DNAJC17: variants seen among roughly 807,000 people sequenced by gnomAD.
The protein encoded by DNAJC17 is DnaJ heat shock protein family (Hsp40) member C17, also known as dnaJ homolog subfamily C member 17.
A neutral mutation model predicts 48.1 loss-of-function variants in DNAJC17; 35 were observed. The ratio of observed to expected loss-of-function variants is 0.73; its 90% CI spans 0.56 to 0.96. The LOEUF is 0.96. Among genes scored for constraint, DNAJC17 ranks in the 50% least tolerant of loss-of-function variants. The pLI is 0.00. For synonymous variants in DNAJC17, 117 were observed against 142.7 expected (o/e 0.82, Z 1.28); for missense variants, 355 against 377.1 (o/e 0.94, Z 0.48).
chr15:40,797,666 C>A (rs1889971520), intron 1 of DNAJC17, among the ~76,000 whole-genome samples: 1 of 151,216 alleles, frequency 6.6e-6, no homozygotes, highest in Non-Finnish European at 1.5e-5. Context: ...CCTGCCTCAG[C>A]CTCCCAAAGT....
intron 1 of DNAJC17, among the ~76,000 whole-genome samples, chr15:40,795,228 G>A (rs574181091): frequency 9.4e-5 from 14 of 149,078 alleles, no homozygotes; most frequent in African/African-American, 2.7e-4. Flanking sequence ...CAGCCTGGGC[G>A]GGAGAGGGAG....
chr15:40,790,980 G>A (rs909413173), intron 1 of DNAJC17, among the ~76,000 whole-genome samples: 15 of 152,064 alleles, frequency 9.9e-5, no homozygotes, highest in African/African-American at 3.1e-4. Context: ...AGCTGGTCAG[G>A]CCCTTGGTGA....
intron 1 of DNAJC17, among the ~76,000 whole-genome samples, chr15:40,800,485 C>CTT (rs780909826): frequency 7.0e-6 from 1 of 141,946 alleles, no homozygotes; most frequent in Admixed American, 7.1e-5. Flanking sequence ...TTGTCTTTTT[C>CTT]TTTTTTTTTT....
intron 1 of DNAJC17, among the ~76,000 whole-genome samples, chr15:40,799,841 T>C (rs1211787609): frequency 6.6e-6 from 1 of 152,158 alleles, no homozygotes; most frequent in East Asian, 1.9e-4. Context: ...TTTATTTCTC[T>C]CTCTCTCTTT....
At position 40,766,921 on chromosome 15, in the gene DNAJC17, G is replaced by C; in HGVS notation, c.*1019C>G. On this transcript the variant is annotated 3_prime_UTR_variant, in exon 11 of 11. Coordinates refer to ENST00000220496, the MANE Select transcript of DNAJC17 (RefSeq NM_018163.3). ...CCAGGGAGGGCGGCAGCAGGGCTGTGGTCAGACTAACATGGTCTACCATCT... is the reference window on the plus strand; with the variant it reads ...CCAGGGAGGGCGGCAGCAGGGCTGTCGTCAGACTAACATGGTCTACCATCT... 4.7e-6 allele frequency: 1 copy of C among 212,284 alleles called. No homozygotes were observed. Among genetic ancestry groups the C allele is most frequent in the Non-Finnish European group, 9.3e-6 (1 of 107,304 alleles). 13.2% of individuals were successfully genotyped at this position (212,284 alleles called of 1,614,324 possible).
At position 40,767,559 on chromosome 15, in the gene DNAJC17, A is replaced by C. The variant is rs1888978768; in HGVS notation, c.*381T>G. ...CAGTGCCCGGTGCCCTGGTGCTCCCAGCTGCCCTCCTGCTTCGGGCCTGGG... is the reference window on the plus strand; with the variant it reads ...CAGTGCCCGGTGCCCTGGTGCTCCCCGCTGCCCTCCTGCTTCGGGCCTGGG... On this transcript the variant is annotated 3_prime_UTR_variant, in exon 11 of 11. Coordinates refer to ENST00000220496, the MANE Select transcript of DNAJC17 (RefSeq NM_018163.3). The C allele has an allele frequency of 3.2e-6, 2 of 623,050 alleles. No individual in the cohort carries two copies. The highest frequency in any genetic ancestry group is 5.2e-6 in the Non-Finnish European group (2 of 382,156). 38.6% of individuals were successfully genotyped at this position (623,050 alleles called of 1,614,324 possible).
At position 40,807,224 on chromosome 15, in the gene DNAJC17, G is replaced by A. The variant is rs894227342; in HGVS notation, c.78+145C>T. Reference sequence around the variant, plus strand: ...CCGTCCAGGAAATGTCTGGGAGCCCGCCTGCGGAGGGCATAGCGCCGACCC... The same window carrying A: ...CCGTCCAGGAAATGTCTGGGAGCCCACCTGCGGAGGGCATAGCGCCGACCC... On this transcript the variant is annotated intron_variant, in intron 1 of 10. Coordinates refer to ENST00000220496, the MANE Select transcript of DNAJC17 (RefSeq NM_018163.3). 7 of 1,536,278 alleles carry A rather than the reference G, an allele frequency of 4.6e-6. No individual in the cohort carries two copies. The African/African-American group carries it at 8.2e-5, about 18-fold the overall frequency.
chr15:40,797,053 C>T (rs1373755809), intron 1 of DNAJC17, among the ~76,000 whole-genome samples: 1 of 152,074 alleles, frequency 6.6e-6, no homozygotes, highest in Admixed American at 6.6e-5. Context: ...AGGCATTATC[C>T]ACCACACTAG....
Position 40,767,798 on chromosome 15 carries a change from C to T in DNAJC17, c.*142G>A. 3.2e-6 allele frequency: 4 copies of T among 1,260,002 alleles called. No homozygotes were observed. Among genetic ancestry groups the T allele is most frequent in the Admixed American group, 2.8e-5 (1 of 35,584 alleles). 78.1% of individuals were successfully genotyped at this position (1,260,002 alleles called of 1,614,324 possible). ...GGGTCTGCCCACTTCCTGGGAGGGG[C>T]GCCAGGCCTGGGTGGAGCGCTCTGC... On this transcript the variant is annotated 3_prime_UTR_variant, in exon 11 of 11. Coordinates refer to ENST00000220496, the MANE Select transcript of DNAJC17 (RefSeq NM_018163.3).
Position 40,770,367 on chromosome 15 carries a change from G to T in DNAJC17, c.793-2305C>A. 1.1e-6 allele frequency: 1 copy of T among 881,210 alleles called. No individual in the cohort carries two copies. The highest frequency in any genetic ancestry group is 1.8e-5 in the South Asian group (1 of 56,428). 54.6% of individuals were successfully genotyped at this position (881,210 alleles called of 1,614,324 possible). A position where few individuals can be genotyped will look rare whatever the true frequency, so the allele number is the denominator to read the frequency against. ...ATCCAAGATGTGGTCAAAGGTCTGTGCTGAGTGGAAACCCTGAGGCCTCTG... is the reference window on the plus strand; with the variant it reads ...ATCCAAGATGTGGTCAAAGGTCTGTTCTGAGTGGAAACCCTGAGGCCTCTG... On this transcript the variant is annotated intron_variant, in intron 10 of 10. Transcript: ENST00000220496. This position sits in a 1 kb window ranked among gnomAD's most constrained non-coding sequence, Gnocchi z 5.0.
intron 8 of DNAJC17, among the ~76,000 whole-genome samples, 185 bp from the exon 9 acceptor site, chr15:40,774,621 A>G (rs576423471): frequency 1.5e-4 from 23 of 152,362 alleles, no homozygotes; most frequent in African/African-American, 5.5e-4. Context: ...ATTTTTTTCT[A>G]GGAACACAGA....
rs544604713 is a variant in DNAJC17, at chr15:40,780,788, T to C, written c.79-791A>G. On this transcript the variant is annotated intron_variant, in intron 1 of 10. Transcript: ENST00000220496. ...GAAATCGCACCACTACACTCCGGCC[T>C]GGCGACAGAGCAAGACTCTGTCTCA... is the stretch of plus-strand genomic sequence containing the variant. Among the ~76,000 whole-genome samples the C allele has an allele frequency of 4.0e-5, 6 of 151,096 alleles. 1 individual carries two copies. The highest frequency in any genetic ancestry group is 1.5e-4 in the African/African-American group (6 of 41,060).
At chr15:40,805,305 G>A (rs1402841291) in intron 1 of DNAJC17, among the ~76,000 whole-genome samples, 1 of 150,898 alleles carries the variant, frequency 6.6e-6, no homozygotes, top group Non-Finnish European at 1.5e-5. Context: ...GAAACAGGAA[G>A]GCGGAGGTTG....
intron 4 of DNAJC17, among the ~76,000 whole-genome samples, chr15:40,777,498 C>T (rs1410376861): frequency 1.3e-5 from 2 of 152,032 alleles, no homozygotes; most frequent in African/African-American, 2.4e-5. Flanking sequence ...AGGGGTGGAT[C>T]ACCTGAGGTC....
rs766720155 is a variant in DNAJC17 at position 40,768,067 on chromosome 15, CGGACAGGGCAG to C, written c.793-16_793-6del. The C allele has an allele frequency of 5.8e-6, 9 of 1,552,618 alleles. No individual in the cohort carries two copies. Among genetic ancestry groups the C allele is most frequent in the East Asian group, 4.5e-5 (2 of 43,958 alleles). ...CCTCTCTGACAGCACTGAGCCCTGT[CGGACAGGGCAG>C]GGACAGGGAGGGGTCAGGGACAGCA... On this transcript the variant is annotated splice_region_variant and splice_polypyrimidine_tract_variant and intron_variant, in intron 10 of 10. Coordinates refer to ENST00000220496, the MANE Select transcript of DNAJC17 (RefSeq NM_018163.3).
chr15:40,766,868 T>C lies in DNAJC17; in HGVS notation c.*1072A>G, dbSNP rs58036350. ...GCTCACTGCAGCCTCAGCCTCCTCCTACCTGGAAGCCTGGGTGGGGAGCAA... is the reference window on the plus strand; with the variant it reads ...GCTCACTGCAGCCTCAGCCTCCTCCCACCTGGAAGCCTGGGTGGGGAGCAA... On this transcript the variant is annotated 3_prime_UTR_variant, in exon 11 of 11. Coordinates refer to ENST00000220496, the MANE Select transcript of DNAJC17 (RefSeq NM_018163.3). 6,677 of 167,646 alleles carry C rather than the reference T, an allele frequency of 0.04. 492 individuals carry two copies. Among genetic ancestry groups the C allele is most frequent in the African/African-American group, 0.15 (6,353 of 42,110 alleles). The allele number at this position is 167,646 out of a possible 1,614,324, so 10.4% of individuals were successfully genotyped here.
chr15:40,769,365 C>A lies in DNAJC17; in HGVS notation c.793-1303G>T, dbSNP rs555244077. The stretch of plus-strand genomic sequence containing the variant: ...TCAGCAGCCGCTCTCCTGGCAGGAG[C>A]CCTCTAGGGTAAAACAAGGGAGGAC... On this transcript the variant is annotated intron_variant, in intron 10 of 10. Transcript: ENST00000220496. The surrounding 1 kb of genome is among the most constrained non-coding windows in gnomAD (Gnocchi z 4.2). Among the ~76,000 whole-genome samples, 4 of 152,310 alleles carry A rather than the reference C, an allele frequency of 2.6e-5. No individual in the cohort carries two copies. In the East Asian group the frequency reaches 7.7e-4, roughly 29 times the overall value.
At chr15:40,780,704 C>T (rs61317135) in intron 1 of DNAJC17, 7,209 of 236,380 alleles carry the variant, frequency 0.03, 550 homozygotes, top group African/African-American at 0.16. Flanking sequence ...ATCCCAGCTA[C>T]TTGGGAGGCT....
chr15:40,791,255 C>T (rs1005950705), intron 1 of DNAJC17, among the ~76,000 whole-genome samples: 8 of 152,068 alleles, frequency 5.3e-5, no homozygotes, highest in Admixed American at 3.3e-4. Context: ...AAGCTGGGTG[C>T]GGTGGCTCAT....
Sources: allele counts gnomAD v4.1 joint callset (sites outside exome capture counted in the v4.1 genomes callset), GRCh38; gene constraint gnomAD v4.1.1; non-coding constraint Gnocchi (gnomAD v3.1); transcripts MANE v1.5; gene names NCBI Gene and HGNC (gene_info 2026-07-23, HGNC 2026-07-21).